The following SCIN variants were observed in gnomAD, a reference collection of about 807,000 sequenced individuals.
SCIN encodes the protein scinderin.
SCIN carries 91 observed loss-of-function variants against 91.8 expected under a neutral mutation model. That is an observed-to-expected ratio of 0.99 (90% CI 0.84 to 1.18). The LOEUF is 1.18. Among genes scored for constraint, SCIN ranks in the 50% most tolerant of loss-of-function variants. SCIN has a pLI of 0.00. For synonymous variants in SCIN, 367 were observed against 312.6 expected, an observed-to-expected ratio of 1.17 and a Z score of -1.84; for missense variants, 1,087 against 863.9, an observed-to-expected ratio of 1.26 and a Z score of -3.24.
At position 12,599,989 on chromosome 7, in the gene SCIN, T is replaced by G. The variant is rs946631100; in HGVS notation, c.517-4525T>G. On this transcript the variant is annotated intron_variant, in intron 3 of 15. Transcript: ENST00000297029. The stretch of plus-strand genomic sequence containing the variant: ...GTCTGTTAACTCTTGATTCTTTCTT[T>G]TGCTGTGAAGAAGCTTTTTAGTTTA... 2.6e-5 allele frequency among the ~76,000 whole-genome samples: 4 copies of G among 152,234 alleles called. No individual in the cohort carries two copies. In the East Asian group the frequency reaches 7.7e-4, roughly 29 times the overall value.
chr7:12,574,388 T>G (rs182095141), intron 1 of SCIN, among the ~76,000 whole-genome samples: 1 of 152,184 alleles, frequency 6.6e-6, no homozygotes, highest in Non-Finnish European at 1.5e-5. Flanking sequence ...GAAGAGGGGA[T>G]GATGTGGGCA....
At chr7:12,608,430 G>C (rs1268940504) in intron 4 of SCIN, among the ~76,000 whole-genome samples, 1 of 152,012 alleles carries the variant, frequency 6.6e-6, no homozygotes, top group Non-Finnish European at 1.5e-5. Flanking sequence ...TAGAGATGGA[G>C]TCTGAAAATC....
In SCIN at chr7:12,626,613, A is replaced by G. The variant is rs1349780038; in HGVS notation, c.1011A>G (p.Thr337=). ...AAGTTCTTCCAGAAGGAGGTGAAAC[A>G]CCAATCTTCAAACAGTTTTTTAAGG... is the stretch of plus-strand genomic sequence containing the variant. ...QIQVLPEGGE[T]PIFKQFFKDW... is the part of the protein sequence containing the mutation. Residue 337 remains threonine, a synonymous_variant, in exon 8 of 16, where the codon ACA becomes ACG. Transcript: ENST00000297029. 2 of 1,551,228 alleles carry G rather than the reference A, an allele frequency of 1.3e-6. No individual in the cohort carries two copies. Among genetic ancestry groups the G allele is most frequent in the Admixed American group, 3.9e-5 (2 of 51,000 alleles).
At chr7:12,621,212 A>G (rs1271624931) in intron 4 of SCIN, among the ~76,000 whole-genome samples, 1 of 152,146 alleles carries the variant, frequency 6.6e-6, no homozygotes, top group African/African-American at 2.4e-5. Context: ...TACCCCAGTG[A>G]CCTCAAATAT....
chr7:12,641,793 C>T (rs530884939), intron 11 of SCIN, among the ~76,000 whole-genome samples: 7 of 152,086 alleles, frequency 4.6e-5, no homozygotes, highest in Non-Finnish European at 8.8e-5. Context: ...TCCTTCACAC[C>T]CCATGCTTCA....
chr7:12,591,209 G>A (rs189429470), intron 3 of SCIN, among the ~76,000 whole-genome samples: 1 of 152,290 alleles, frequency 6.6e-6, no homozygotes, highest in African/African-American at 2.4e-5. Flanking sequence ...GTTGAGGGAA[G>A]CACTTCTGGT....
intron 3 of SCIN, among the ~76,000 whole-genome samples, chr7:12,593,127 G>A (rs186125542): frequency 3.2e-4 from 49 of 152,324 alleles, no homozygotes; most frequent in African/African-American, 9.9e-4. Flanking sequence ...AGGGCTCTTC[G>A]GCACTCATGG....
Position 12,649,545 on chromosome 7 carries a change from G to C in SCIN, c.1959+1G>C. On this transcript the variant is annotated splice_donor_variant, in intron 14 of 15. Transcript: ENST00000297029. LOFTEE classifies it high-confidence loss of function. ...CATGTTACTAGATGCTTGGGAACAGGTAAAACTACATTTTGTTCATAAGAA... is the reference window on the plus strand; with the variant it reads ...CATGTTACTAGATGCTTGGGAACAGCTAAAACTACATTTTGTTCATAAGAA... 1 of 1,587,996 alleles carries C rather than the reference G, an allele frequency of 6.3e-7. No individual in the cohort carries two copies. Among genetic ancestry groups the C allele is most frequent in the East Asian group, 2.3e-5 (1 of 44,286 alleles).
At chr7:12,625,902 T>G in intron 7 of SCIN, 52 bp downstream of exon 7, 9 of 1,283,312 alleles carry the variant, frequency 7.0e-6, no homozygotes, top group Non-Finnish European at 7.8e-6. Context: ...TTGGAGCTCA[T>G]GACATCTCCA....
chr7:12,599,495 C>G (rs145170719), intron 3 of SCIN, among the ~76,000 whole-genome samples: 28 of 151,988 alleles, frequency 1.8e-4, no homozygotes, highest in Non-Finnish European at 3.5e-4. Flanking sequence ...GTGCAAGTAT[C>G]TTTTTTATAT....
intron 11 of SCIN, among the ~76,000 whole-genome samples, chr7:12,641,319 G>A (rs183789024): frequency 2.0e-4 from 31 of 152,176 alleles, no homozygotes; most frequent in Admixed American, 1.1e-3. Flanking sequence ...GTCCTCTGAG[G>A]ACAGATTCCC....
intron 3 of SCIN, among the ~76,000 whole-genome samples, chr7:12,596,785 A>G (rs1782852416): frequency 1.3e-5 from 2 of 151,992 alleles, no homozygotes; most frequent in East Asian, 1.9e-4. Context: ...AAAACTGTTC[A>G]TCTGGTCCTG....
At chr7:12,571,387 G>A (rs1009474182) in intron 1 of SCIN, 3 of 333,280 alleles carry the variant, frequency 9.0e-6, no homozygotes, top group Non-Finnish European at 1.7e-5. Flanking sequence ...TTTCCCTGTC[G>A]GGATGGAGAG....
intron 1 of SCIN, among the ~76,000 whole-genome samples, chr7:12,573,400 G>A (rs1782307812): frequency 6.6e-6 from 1 of 152,168 alleles, no homozygotes; most frequent in African/African-American, 2.4e-5. Flanking sequence ...GGAAGAAGTT[G>A]GACCTAGAAC....
intron 11 of SCIN, among the ~76,000 whole-genome samples, chr7:12,642,477 T>TGCATCCAGCTACAG (rs1783876696): frequency 6.6e-6 from 1 of 151,942 alleles, no homozygotes; most frequent in African/African-American, 2.4e-5. Context: ...CTGCATCATT[T>TGCATCCAGCTACAG]CTCTGTCCTT....
At chr7:12,590,730 C>A (rs1300632717) in intron 3 of SCIN, among the ~76,000 whole-genome samples, 2 of 151,808 alleles carry the variant, frequency 1.3e-5, no homozygotes, top group South Asian at 4.2e-4. Context: ...TGAACCTGTT[C>A]GATGTCCTCA....
intron 15 of SCIN, 100 bp from the exon 16 acceptor site, chr7:12,652,488 A>G (rs1012997254): frequency 2.8e-6 from 3 of 1,085,722 alleles, no homozygotes; most frequent in Non-Finnish European, 3.9e-6. Flanking sequence ...GTTCTTCTGG[A>G]AATTTAATTC....
rs76236833 is a variant in SCIN at position 12,588,952 on chromosome 7, G to C, written c.516+7731G>C. The C allele has an allele frequency of 8.2e-3, 1,253 of 153,034 alleles. 22 individuals carry two copies. The highest frequency in any genetic ancestry group is 0.029 in the African/African-American group (1,186 of 41,376). 9.5% of individuals were successfully genotyped at this position (153,034 alleles called of 1,614,324 possible). A position where few individuals can be genotyped will look rare whatever the true frequency, so the allele number is the denominator to read the frequency against. On this transcript the variant is annotated intron_variant, in intron 3 of 15. Transcript: ENST00000297029. The stretch of plus-strand genomic sequence containing the variant: ...TCTTGCTGGATAGGGGCGATGGTTG[G>C]GGGGAGAGGCTGGGTAGTAGGGACT...
intron 4 of SCIN, among the ~76,000 whole-genome samples, chr7:12,607,608 A>G (rs553695128): frequency 6.6e-5 from 10 of 152,358 alleles, no homozygotes; most frequent in Admixed American, 3.3e-4. Context: ...GAAAAATCCT[A>G]CAAAGCACCC....
Sources: allele counts gnomAD v4.1 joint callset (sites outside exome capture counted in the v4.1 genomes callset), GRCh38; gene constraint gnomAD v4.1.1; transcripts MANE v1.5; gene names NCBI Gene and HGNC (gene_info 2026-07-23, HGNC 2026-07-21).